RMDN2: variants seen among roughly 807,000 people sequenced by gnomAD.
RMDN2 encodes the protein regulator of microtubule dynamics 2.
A neutral mutation model predicts 52.8 loss-of-function variants in RMDN2; 61 were observed. That is an observed-to-expected ratio of 1.16 (90% CI 0.94 to 1.43). The LOEUF (loss-of-function observed/expected upper bound fraction) is 1.43. Among genes scored for constraint, RMDN2 ranks in the 40% most tolerant of loss-of-function variants. The pLI is 0.00. For missense variants in RMDN2, 592 were observed against 475.3 expected (o/e 1.25, Z -2.28); for synonymous variants, 180 against 153.1 (o/e 1.18, Z -1.30).
chr2:38,047,879 A>G (rs953302776), intron 10 of RMDN2, among the ~76,000 whole-genome samples: 6 of 151,878 alleles, frequency 4.0e-5, no homozygotes, highest in African/African-American at 1.2e-4. Flanking sequence ...ATTTCCTTCT[A>G]TGTCTTCATT....
chr2:38,061,766 T>C (rs1225863696), intron 10 of RMDN2, among the ~76,000 whole-genome samples: 1 of 152,240 alleles, frequency 6.6e-6, no homozygotes, highest in Non-Finnish European at 1.5e-5. Flanking sequence ...TTCATTATTA[T>C]ATCATCAGTG....
chr2:37,978,014 A>T (rs1305253496), intron 4 of RMDN2, among the ~76,000 whole-genome samples: 1 of 152,126 alleles, frequency 6.6e-6, no homozygotes, highest in Non-Finnish European at 1.5e-5. Context: ...ACGCCACTGC[A>T]CTCCAGCCTG....
chr2:37,963,421 A>T (rs925856377), intron 2 of RMDN2, among the ~76,000 whole-genome samples: 1 of 151,656 alleles, frequency 6.6e-6, no homozygotes, highest in Non-Finnish European at 1.5e-5. Context: ...CAGATAAACA[A>T]GTGAACAAAG....
chr2:38,013,479 G>A lies in RMDN2; in HGVS notation c.1180-3707G>A, dbSNP rs3755028. Reference sequence around the variant, plus strand: ...ACTCTGGGAGTGCTAAAAGTTAAGAGCACGTTATATTTAGCAAGTGGTATA... The same window carrying A: ...ACTCTGGGAGTGCTAAAAGTTAAGAACACGTTATATTTAGCAAGTGGTATA... On this transcript the variant is annotated intron_variant, in intron 10 of 10. Transcript: ENST00000354545. 9.1e-4 allele frequency among the ~76,000 whole-genome samples: 139 copies of A among 152,282 alleles called. 2 individuals carry two copies. In the East Asian group the frequency reaches 0.023, roughly 25 times the overall value.
At chr2:37,925,841 G>A (rs1168561700) in intron 1 of RMDN2, among the ~76,000 whole-genome samples, 1 of 152,220 alleles carries the variant, frequency 6.6e-6, no homozygotes, top group African/African-American at 2.4e-5. Context: ...TGTTTGTGTG[G>A]GGTTTTTTTT....
Position 37,929,729 on chromosome 2 carries a change from G to A in RMDN2, c.452G>A (p.Gly151Glu). The A allele has an allele frequency of 2.7e-6, 4 of 1,489,620 alleles. No individual in the cohort carries two copies. The highest frequency in any genetic ancestry group is 3.6e-6 in the Non-Finnish European group (4 of 1,122,136). 92.3% of individuals were successfully genotyped at this position (1,489,620 alleles called of 1,614,324 possible). ...TCAGAGGAAGCAGAAAGTGAAGGAG[G>A]GTAAGTTTCTTTAAGATATTTCCTA... ...NSSEEAESEG[G>E]YITANTDTEE... is the part of the protein sequence containing the mutation. Residue 151 changes from glycine to glutamate, a missense_variant and splice_region_variant, in exon 2 of 11, where the codon GGG becomes GAG. Coordinates refer to ENST00000354545, the MANE Select transcript of RMDN2 (RefSeq NM_001170791.3).
At chr2:38,044,134 C>T (rs1368968089) in intron 10 of RMDN2, among the ~76,000 whole-genome samples, 2 of 151,824 alleles carry the variant, frequency 1.3e-5, no homozygotes, top group Non-Finnish European at 2.9e-5. Context: ...TTATTTTTTC[C>T]TTCATTTTGA....
chr2:37,928,997 G>GT lies in RMDN2; in HGVS notation c.-16-258dup, dbSNP rs199894296. ...ATTGTCTTGATATGTATTGCCTGGGGTTTTTTTGTTTGTTTGTTTTTTAGT... is the reference window on the plus strand; with the variant it reads ...ATTGTCTTGATATGTATTGCCTGGGGTTTTTTTTGTTTGTTTGTTTTTTAGT... On this transcript the variant is annotated intron_variant, in intron 1 of 10. Coordinates refer to ENST00000354545, the MANE Select transcript of RMDN2 (RefSeq NM_001170791.3). 1,150 of 240,490 alleles carry GT rather than the reference G, an allele frequency of 4.8e-3. 12 individuals are homozygous for GT. The highest frequency in any genetic ancestry group is 0.025 in the African/African-American group (1,083 of 43,694). 14.9% of individuals were successfully genotyped at this position (240,490 alleles called of 1,614,324 possible). A position where few individuals can be genotyped will look rare whatever the true frequency, so the allele number is the denominator to read the frequency against.
chr2:37,927,826 A>G (rs895696697), intron 1 of RMDN2, among the ~76,000 whole-genome samples: 1 of 152,236 alleles, frequency 6.6e-6, no homozygotes, highest in Non-Finnish European at 1.5e-5. Context: ...TGTAGAATAC[A>G]TTTACACATC....
At chr2:37,951,623 C>G (rs558576469) in intron 2 of RMDN2, 42 of 1,613,434 alleles carry the variant, frequency 2.6e-5, no homozygotes, top group Admixed American at 2.2e-4. Flanking sequence ...GTATAGTTTC[C>G]TATTACAAGA....
At chr2:38,040,920 T>C (rs1680908257) in intron 10 of RMDN2, among the ~76,000 whole-genome samples, 2 of 152,246 alleles carry the variant, frequency 1.3e-5, no homozygotes, top group African/African-American at 2.4e-5. Context: ...TTTGCACATA[T>C]AGATTGTGTA....
At chr2:38,062,198 A>G (rs891710913) in intron 10 of RMDN2, among the ~76,000 whole-genome samples, 1 of 152,174 alleles carries the variant, frequency 6.6e-6, no homozygotes, top group East Asian at 1.9e-4. Flanking sequence ...AAACCTTCCA[A>G]AACTCCACCA....
intron 2 of RMDN2, among the ~76,000 whole-genome samples, chr2:37,942,637 T>C (rs374816235): frequency 6.6e-6 from 1 of 152,354 alleles, no homozygotes; most frequent in Admixed American, 6.5e-5. Flanking sequence ...CGTAACTAAT[T>C]ATTTTTCAAT....
At chr2:38,041,573 G>A (rs978149157) in intron 10 of RMDN2, among the ~76,000 whole-genome samples, 3 of 151,770 alleles carry the variant, frequency 2.0e-5, no homozygotes, top group African/African-American at 7.3e-5. Context: ...GATGTTAACT[G>A]TCGGCCTTTT....
intron 6 of RMDN2, among the ~76,000 whole-genome samples, chr2:37,989,826 T>C (rs1674522160): frequency 1.3e-5 from 2 of 152,186 alleles, no homozygotes; most frequent in Admixed American, 1.3e-4. Flanking sequence ...ACAAAAAGAA[T>C]TAAATTATTT....
At chr2:37,953,106 T>C (rs1669046586) in intron 2 of RMDN2, 1 of 152,000 alleles carries the variant, frequency 6.6e-6, no homozygotes, top group African/African-American at 2.4e-5. Context: ...GGGGCTAAGA[T>C]GTTATTTTTA....
At chr2:37,989,998 A>G (rs1674547320) in intron 6 of RMDN2, among the ~76,000 whole-genome samples, 1 of 151,848 alleles carries the variant, frequency 6.6e-6, no homozygotes, top group Non-Finnish European at 1.5e-5. Context: ...ACACACACAA[A>G]AATTAGTGGT....
intron 7 of RMDN2, among the ~76,000 whole-genome samples, chr2:37,993,640 G>A (rs1405039670): frequency 6.6e-6 from 1 of 151,954 alleles, no homozygotes; most frequent in Admixed American, 6.6e-5. Context: ...TACCAAGGCT[G>A]GTAACCTAAA....
At chr2:38,011,873 A>G (rs1678046744) in intron 10 of RMDN2, among the ~76,000 whole-genome samples, 1 of 152,310 alleles carries the variant, frequency 6.6e-6, no homozygotes, top group South Asian at 2.1e-4. Flanking sequence ...CCCCCGGACC[A>G]CAGATTGTAC....
Sources: allele counts gnomAD v4.1 joint callset (sites outside exome capture counted in the v4.1 genomes callset), GRCh38; gene constraint gnomAD v4.1.1; transcripts MANE v1.5; gene names NCBI Gene and HGNC (gene_info 2026-07-23, HGNC 2026-07-21).